The following KANTR variants were observed in gnomAD, a reference collection of about 807,000 sequenced individuals.
KANTR encodes KANTR integral membrane protein.
chrX:53,115,390 G>T (rs1394316040), intron 2 of KANTR, among the ~76,000 whole-genome samples: 11 of 112,181 alleles, frequency 9.8e-5, no homozygotes, highest in African/African-American at 3.6e-4. Context: ...CTGGGGCCGG[G>T]GGGGCCAGCC....
At chrX:53,143,240 G>A (rs1469115585), downstream of KANTR, 3 of 623,502 alleles carry the variant, frequency 4.8e-6, no homozygotes, top group African/African-American at 6.6e-5. Context: ...ATGTGGCAGT[G>A]GCCATCTCCT....
chrX:53,118,988 A>G (rs1933175910), intron 2 of KANTR, among the ~76,000 whole-genome samples: 1 of 108,074 alleles, frequency 9.3e-6, no homozygotes, highest in Non-Finnish European at 1.9e-5. Context: ...AGCTTCTGTA[A>G]TTTTGAAGCT....
intron 2 of KANTR, among the ~76,000 whole-genome samples, chrX:53,117,809 G>A (rs1302204836): frequency 1.8e-5 from 2 of 108,941 alleles, no homozygotes; most frequent in African/African-American, 6.7e-5. Flanking sequence ...TAGTAGAGTT[G>A]GGGTTTCACC....
chrX:53,119,231 G>T (rs1228419231), intron 2 of KANTR, among the ~76,000 whole-genome samples: 1 of 109,160 alleles, frequency 9.2e-6, no homozygotes, highest in Admixed American at 9.7e-5. Context: ...CTGGCTAATT[G>T]TTATTTTTTA....
chrX:53,104,634 A>G (rs943389296), intron 2 of KANTR, among the ~76,000 whole-genome samples: 28 of 111,454 alleles, frequency 2.5e-4, no homozygotes, highest in African/African-American at 9.1e-4. Context: ...TCTATTCTAG[A>G]TATTCCATAT....
exon 3 of KANTR, chrX:53,142,560 C>T (rs1335208843): frequency 3.3e-5 from 9 of 269,019 alleles, no homozygotes; most frequent in African/African-American, 2.2e-4. Context: ...GTGATCCACC[C>T]GTCTCGGCCT....
chrX:53,107,274 A>G (rs1247379454), intron 2 of KANTR, among the ~76,000 whole-genome samples: 1 of 96,516 alleles, frequency 1.0e-5, no homozygotes, highest in African/African-American at 3.9e-5. Flanking sequence ...TGCAGCCTTG[A>G]ATTCCTGGGC....
intron 2 of KANTR, among the ~76,000 whole-genome samples, chrX:53,104,021 G>A (rs909366008): frequency 2.7e-5 from 3 of 110,565 alleles, no homozygotes; most frequent in Non-Finnish European, 3.8e-5. Flanking sequence ...GATGCATGTC[G>A]CATACCATCT....
intron 2 of KANTR, among the ~76,000 whole-genome samples, chrX:53,141,446 A>G (rs1933500710): frequency 9.0e-6 from 1 of 111,654 alleles, no homozygotes; most frequent in South Asian, 3.7e-4. Context: ...TCTTTTCACA[A>G]TTTTTTCTGG....
At position 53,102,070 on chromosome X, in the gene KANTR, A is replaced by C. The variant is rs782083673; in HGVS notation, c.-805+2462A>C. Among the ~76,000 whole-genome samples the C allele has an allele frequency of 4.5e-5, 5 of 111,671 alleles. No homozygotes were observed. In the Admixed American group the frequency reaches 4.8e-4, roughly 11 times the overall value. On this transcript the variant is annotated intron_variant, in intron 2 of 2. Transcript: ENST00000604062. ...GATATAAGAAAAGTTTTGAAATGTG[A>C]AAATTACCAAAATGTAAGACAGAGA... is the stretch of plus-strand genomic sequence containing the variant.
At chrX:53,136,731 T>TATATATATATATATATATATA (rs1491428007) in intron 2 of KANTR, among the ~76,000 whole-genome samples, 41 of 50,018 alleles carry the variant, frequency 8.2e-4, no homozygotes, top group Non-Finnish European at 1.4e-3. Context: ...TATATATATA[T>TATATATATATATATATATATA]TTTGTTTGTT....
intron 2 of KANTR, among the ~76,000 whole-genome samples, chrX:53,119,411 T>C (rs1205471066): frequency 8.9e-6 from 1 of 112,011 alleles, no homozygotes; most frequent in Non-Finnish European, 1.9e-5. Context: ...AAGTTTACCT[T>C]TCACATTTAA....
rs781783647 is a variant in KANTR at position 53,097,350 on chromosome X, GT to G, written c.-941-2102del. ...ACAACCCTTTTTTCATTTGTTTTAA[GT>G]TTTTTTTTTTTTTTTTTTTGAGACA... On this transcript the variant is annotated intron_variant, in intron 1 of 2. Transcript: ENST00000604062. Among the ~76,000 whole-genome samples the G allele has an allele frequency of 1.0e-3, 71 of 67,998 alleles. 1 individual carries two copies. Among genetic ancestry groups the G allele is most frequent in the East Asian group, 4.1e-3 (7 of 1,727 alleles). 59.0% of individuals were successfully genotyped at this position (67,998 alleles called of 115,157 possible). A position where few individuals can be genotyped will look rare whatever the true frequency, so the allele number is the denominator to read the frequency against.
At chrX:53,101,332 G>A (rs782052149) in intron 2 of KANTR, among the ~76,000 whole-genome samples, 19 of 112,244 alleles carry the variant, frequency 1.7e-4, no homozygotes, top group Non-Finnish European at 2.8e-4. Context: ...AAGGCCGGGC[G>A]CAATGGCCCA....
At chrX:53,117,872 G>A (rs1200411030) in intron 2 of KANTR, among the ~76,000 whole-genome samples, 5 of 110,154 alleles carry the variant, frequency 4.5e-5, no homozygotes, top group Admixed American at 9.7e-5. Context: ...CACCTGCTTC[G>A]GCCTCCCAAA....
At chrX:53,099,843 A>T (rs1370217170) in intron 2 of KANTR, among the ~76,000 whole-genome samples, 1 of 112,297 alleles carries the variant, frequency 8.9e-6, no homozygotes, top group Non-Finnish European at 1.9e-5. Context: ...TGCATTTTCA[A>T]TGAGCAGTAA....
intron 2 of KANTR, among the ~76,000 whole-genome samples, chrX:53,115,007 G>A (rs910570677): frequency 3.6e-5 from 4 of 110,087 alleles, no homozygotes; most frequent in African/African-American, 1.3e-4. Context: ...GGGATCTACT[G>A]GGATGGGCCT....
chrX:53,124,070 T>TTGTC (rs1402008719), exon 3 of KANTR: 1 of 257,001 alleles, frequency 3.9e-6, no homozygotes, highest in Non-Finnish European at 6.9e-6. Flanking sequence ...TATTTTTTGT[T>TTGTC]TGTTTGTTTG....
chrX:53,119,867 G>A (rs376253183), intron 2 of KANTR, among the ~76,000 whole-genome samples: 5 of 108,897 alleles, frequency 4.6e-5, no homozygotes, highest in African/African-American at 1.7e-4. Flanking sequence ...CTACCATCAT[G>A]CCATAATGCC....
Sources: allele counts gnomAD v4.1 joint callset (sites outside exome capture counted in the v4.1 genomes callset), GRCh38; gene constraint gnomAD v4.1.1; transcripts MANE v1.5; gene names NCBI Gene and HGNC (gene_info 2026-07-23, HGNC 2026-07-21).